CSMD1: variants seen among roughly 807,000 people sequenced by gnomAD.
CSMD1 encodes the protein CUB and sushi domain-containing protein 1.
A neutral mutation model predicts 417.5 loss-of-function variants in CSMD1; 213 were observed. That is an observed-to-expected ratio of 0.51 (90% CI 0.46 to 0.57). The LOEUF is 0.57. Ranked by LOEUF, CSMD1 falls within the 20% of genes least tolerant of loss-of-function variation. The pLI, the probability that CSMD1 is intolerant of heterozygous loss-of-function variation, is 0.00. For synonymous variants in CSMD1, 2,862 were observed against 1,736.8 expected (o/e 1.65, Z -16.11); for missense variants, 6,923 against 4,529.7 (o/e 1.53, Z -15.17).
chr8:4,290,411 G>C (rs977620534), intron 3 of CSMD1, among the ~76,000 whole-genome samples: 2 of 152,202 alleles, frequency 1.3e-5, no homozygotes. Context: ...AGATCAGAAA[G>C]GTCTCTAACA....
At chr8:4,979,696 T>G (rs888288346) in intron 1 of CSMD1, among the ~76,000 whole-genome samples, 2 of 152,234 alleles carry the variant, frequency 1.3e-5, no homozygotes, top group African/African-American at 2.4e-5. Context: ...CAGAATTAAA[T>G]ATTCTGTAGT....
At chr8:4,242,055 A>C (rs1407804894) in intron 3 of CSMD1, among the ~76,000 whole-genome samples, 3 of 152,206 alleles carry the variant, frequency 2.0e-5, no homozygotes, top group Admixed American at 2.0e-4. Flanking sequence ...GAAATGAAAA[A>C]GGGTAAATTA....
intron 33 of CSMD1, among the ~76,000 whole-genome samples, chr8:3,197,609 G>A (rs6558730): frequency 1.1e-5 from 1 of 94,826 alleles, no homozygotes; most frequent in Non-Finnish European, 2.2e-5. Context: ...GGGACTACAG[G>A]TGCCCGCCAC....
chr8:3,870,828 G>A (rs898883283), intron 5 of CSMD1, among the ~76,000 whole-genome samples: 1 of 152,088 alleles, frequency 6.6e-6, no homozygotes, highest in African/African-American at 2.4e-5. Context: ...AGAGAAAGAA[G>A]CATCTCCAAC....
chr8:3,935,922 G>A (rs1242707951), intron 5 of CSMD1, among the ~76,000 whole-genome samples: 2 of 152,136 alleles, frequency 1.3e-5, no homozygotes, highest in Admixed American at 6.6e-5. Flanking sequence ...TAAGCCTCCT[G>A]CACTAAACAG....
chr8:4,400,386 T>C lies in CSMD1; in HGVS notation c.415+19567A>G, dbSNP rs76665357. Among the ~76,000 whole-genome samples, 487 of 152,358 alleles carry C rather than the reference T, an allele frequency of 3.2e-3. 17 individuals are homozygous for C. The East Asian group carries it at 0.079, about 25-fold the overall frequency. On this transcript the variant is annotated intron_variant, in intron 3 of 69. Coordinates refer to ENST00000635120, the MANE Select transcript of CSMD1 (RefSeq NM_033225.6). ...CAAATGCTTTTCATTTATATATCCATCCTGTGTTTGCCGTTCCAGGAGCAT... is the reference window on the plus strand; with the variant it reads ...CAAATGCTTTTCATTTATATATCCACCCTGTGTTTGCCGTTCCAGGAGCAT...
chr8:4,342,034 T>C (rs754746218), intron 3 of CSMD1, among the ~76,000 whole-genome samples: 14 of 152,100 alleles, frequency 9.2e-5, no homozygotes, highest in Non-Finnish European at 1.5e-5. Flanking sequence ...AGATACAAAT[T>C]CTTGATATGA....
intron 3 of CSMD1, among the ~76,000 whole-genome samples, chr8:4,116,536 T>C (rs143175979): frequency 1.4e-5 from 1 of 72,992 alleles, no homozygotes; most frequent in Non-Finnish European, 2.7e-5. Context: ...GGTACCTGGA[T>C]GGAACAAACG....
At chr8:2,955,872 C>T (rs577488189) in intron 63 of CSMD1, 104 bp from the exon 64 acceptor site, 2 of 906,856 alleles carry the variant, frequency 2.2e-6, no homozygotes, top group South Asian at 3.3e-5. Context: ...GTTATGCAGT[C>T]AATATGTATA....
chr8:3,217,876 G>T (rs899928852), intron 29 of CSMD1, among the ~76,000 whole-genome samples: 1 of 152,026 alleles, frequency 6.6e-6, no homozygotes, highest in African/African-American at 2.4e-5. Context: ...CACACAAATT[G>T]AACTCAAAAG....
chr8:4,353,350 T>C (rs2128902622), intron 3 of CSMD1, among the ~76,000 whole-genome samples: 1 of 152,278 alleles, frequency 6.6e-6, no homozygotes, highest in East Asian at 1.9e-4. Flanking sequence ...GCTCCTCCTT[T>C]GCCTTCCACC....
At chr8:4,794,166 C>A (rs970877842) in intron 1 of CSMD1, among the ~76,000 whole-genome samples, 3 of 152,100 alleles carry the variant, frequency 2.0e-5, no homozygotes, top group Non-Finnish European at 4.4e-5. Flanking sequence ...CAATATTGTT[C>A]TCTTCAATTG....
chr8:4,561,301 G>C (rs752188467), intron 2 of CSMD1, among the ~76,000 whole-genome samples: 1 of 152,124 alleles, frequency 6.6e-6, no homozygotes, highest in Non-Finnish European at 1.5e-5. Flanking sequence ...TTGAACTCAG[G>C]AGCTGGAGGT....
At chr8:4,450,736 T>A (rs78732655) in intron 2 of CSMD1, among the ~76,000 whole-genome samples, 24,772 of 152,202 alleles carry the variant, frequency 0.16, 2,190 homozygotes, top group South Asian at 0.27. Flanking sequence ...TTTAACAGAA[T>A]AGCAACAAAA....
chr8:3,336,872 G>T (rs1019786243), intron 23 of CSMD1, among the ~76,000 whole-genome samples: 1 of 152,176 alleles, frequency 6.6e-6, no homozygotes, highest in African/African-American at 2.4e-5. Context: ...GCATGTCTGA[G>T]ATGGTCAGAT....
At chr8:3,838,953 T>A (rs1211758055) in intron 5 of CSMD1, among the ~76,000 whole-genome samples, 1 of 106,342 alleles carries the variant, frequency 9.4e-6, no homozygotes, top group Non-Finnish European at 1.7e-5. Context: ...AAAATTAATA[T>A]CTATAAATTA....
chr8:4,360,080 G>A (rs574214268), intron 3 of CSMD1, among the ~76,000 whole-genome samples: 5 of 152,204 alleles, frequency 3.3e-5, no homozygotes, highest in African/African-American at 4.8e-5. Context: ...TGGGATCTCG[G>A]ACAAGTTACT....
intron 3 of CSMD1, among the ~76,000 whole-genome samples, chr8:4,193,113 A>G (rs929838695): frequency 6.6e-6 from 1 of 152,156 alleles, no homozygotes; most frequent in African/African-American, 2.4e-5. Flanking sequence ...TTTACTTTGA[A>G]TTCTCTGAGC....
intron 1 of CSMD1, among the ~76,000 whole-genome samples, chr8:4,779,952 C>A (rs73179603): frequency 0.02 from 2,998 of 151,798 alleles, 47 homozygotes; most frequent in Non-Finnish European, 0.031. Context: ...CTTACTTTGG[C>A]CAAATGATTG....
Sources: allele counts gnomAD v4.1 joint callset (sites outside exome capture counted in the v4.1 genomes callset), GRCh38; gene constraint gnomAD v4.1.1; transcripts MANE v1.5; gene names NCBI Gene and HGNC (gene_info 2026-07-23, HGNC 2026-07-21).